Variants in BSDC1 observed in about 807,000 individuals in gnomAD.
The protein encoded by BSDC1 is BSD domain-containing protein 1.
Under a neutral mutation model 56.0 loss-of-function variants are expected in BSDC1, and 29 were observed. The ratio of observed to expected loss-of-function variants is 0.52; its 90% CI spans 0.39 to 0.71. BSDC1 has a LOEUF of 0.71. Among genes scored for constraint, BSDC1 ranks in the 30% least tolerant of loss-of-function variants. The pLI is 0.00. For missense variants in BSDC1, 477 were observed against 548.5 expected, an observed-to-expected ratio of 0.87 and a Z score of 1.30; for synonymous variants, 210 against 215.3, an observed-to-expected ratio of 0.98 and a Z score of 0.21.
At chr1:32,389,813 A>C (rs1485615152) in intron 2 of BSDC1, among the ~76,000 whole-genome samples, 1 of 146,826 alleles carries the variant, frequency 6.8e-6, no homozygotes, top group African/African-American at 2.6e-5. Flanking sequence ...CACACACACA[A>C]ATACAAAAAA....
At chr1:32,390,341 A>T (rs1642822909) in intron 2 of BSDC1, among the ~76,000 whole-genome samples, 1 of 152,354 alleles carries the variant, frequency 6.6e-6, no homozygotes, top group East Asian at 1.9e-4. Context: ...ATGCTAGTAA[A>T]GATGGAGAGG....
At chr1:32,381,170 T>A (rs1642465793) in intron 5 of BSDC1, 44 bp downstream of exon 5, 1 of 1,606,496 alleles carries the variant, frequency 6.2e-7, no homozygotes, top group Non-Finnish European at 8.5e-7. Flanking sequence ...GCCCCCTTAG[T>A]CTACTTGCCC....
intron 2 of BSDC1, 21 bp downstream of exon 2, chr1:32,394,059 A>T (rs1249828901): frequency 1.2e-6 from 2 of 1,603,896 alleles, no homozygotes; most frequent in Non-Finnish European, 1.7e-6. Flanking sequence ...CTGAGGGAAG[A>T]AGGGCACGGG....
intron 3 of BSDC1, among the ~76,000 whole-genome samples, chr1:32,384,348 G>C (rs979959905): frequency 1.3e-5 from 2 of 152,138 alleles, no homozygotes; most frequent in African/African-American, 4.8e-5. Flanking sequence ...TGGTGGAAAG[G>C]GTACTAGCTT....
intron 5 of BSDC1, among the ~76,000 whole-genome samples, chr1:32,379,104 A>C (rs1044895294): frequency 2.0e-5 from 3 of 152,046 alleles, no homozygotes; most frequent in Non-Finnish European, 4.4e-5. Flanking sequence ...CTCATCTCTG[A>C]AACAGCTGTT....
intron 5 of BSDC1, among the ~76,000 whole-genome samples, chr1:32,380,900 G>A (rs1213440427): frequency 6.6e-6 from 1 of 152,164 alleles, no homozygotes; most frequent in African/African-American, 2.4e-5. Flanking sequence ...AATGGGGTTT[G>A]CTGCATGGCA....
chr1:32,387,584 G>A (rs1056212034), intron 2 of BSDC1, among the ~76,000 whole-genome samples: 7 of 152,132 alleles, frequency 4.6e-5, no homozygotes, highest in Non-Finnish European at 7.4e-5. Flanking sequence ...CAGGTGATCC[G>A]CCCACCTTGG....
intron 4 of BSDC1, among the ~76,000 whole-genome samples, chr1:32,382,275 C>T (rs937171794): frequency 2.6e-5 from 4 of 150,994 alleles, no homozygotes; most frequent in African/African-American, 9.7e-5. Context: ...GCTACAAAGC[C>T]AGCCTAGGCA....
intron 4 of BSDC1, among the ~76,000 whole-genome samples, chr1:32,382,175 C>T (rs1395835270): frequency 3.4e-5 from 5 of 148,398 alleles, no homozygotes; most frequent in Non-Finnish European, 5.9e-5. Context: ...TGCAGTGAGC[C>T]GAGATTGCTC....
chr1:32,378,014 G>A lies in BSDC1; in HGVS notation c.632C>T (p.Ala211Val), dbSNP rs144566892. ...GGGCTCTTCAGAGATGCTCTGTTCC[G>A]CCCGCTGCTTCAGGGCGTCCCTCCG... is the stretch of plus-strand genomic sequence containing the variant. The part of the protein sequence containing the change: ...QARRDALKQR[A>V]EQSISEEPGW... Residue 211 changes from alanine (A) to valine (V), a missense_variant, in exon 8 of 11, where the codon GCG (alanine) becomes GTG (valine). By Grantham distance (64) the Ala-to-Val change is moderately conservative. Transcript: ENST00000455895. This position sits in a 1 kb window ranked among gnomAD's most constrained non-coding sequence, Gnocchi z 5.2. The A allele has an allele frequency of 4.3e-6, 7 of 1,613,040 alleles. No individual in the cohort carries two copies. Among genetic ancestry groups the A allele is most frequent in the Middle Eastern group, 1.6e-4 (1 of 6,078 alleles).
At chr1:32,376,853 G>A (rs1242430762) in intron 8 of BSDC1, 112 bp from the exon 9 acceptor site, 34 of 1,194,226 alleles carry the variant, frequency 2.8e-5, no homozygotes, top group Non-Finnish European at 3.3e-5. Flanking sequence ...GACTCAAGCC[G>A]GGCATGGTGG....
chr1:32,383,692 ATT>A lies in BSDC1; in HGVS notation c.357+136_357+137del, dbSNP rs939515732. ...AATTATCCTGTCCTTGCTTACTGGTATTTTCTGATTTACTATTAATAATATAC... is the reference window on the plus strand; with the variant it reads ...AATTATCCTGTCCTTGCTTACTGGTATTCTGATTTACTATTAATAATATAC... On this transcript the variant is annotated intron_variant, in intron 4 of 10. Transcript: ENST00000455895. 4.8e-4 allele frequency: 323 copies of A among 673,852 alleles called. No individual in the cohort carries two copies. The Middle Eastern group carries it at 7.9e-3, about 17-fold the overall frequency. 41.7% of individuals were successfully genotyped at this position (673,852 alleles called of 1,614,324 possible). A position where few individuals can be genotyped will look rare whatever the true frequency, so the allele number is the denominator to read the frequency against.
intron 2 of BSDC1, among the ~76,000 whole-genome samples, chr1:32,393,431 C>T (rs1642935501): frequency 1.3e-5 from 2 of 152,222 alleles, no homozygotes; most frequent in Non-Finnish European, 2.9e-5. Context: ...TCTTGCTTTT[C>T]ATCCTGTCTA....
chr1:32,379,334 ATTTT>A (rs1171918052), intron 5 of BSDC1, among the ~76,000 whole-genome samples: 1 of 149,820 alleles, frequency 6.7e-6, no homozygotes, highest in East Asian at 2.0e-4. Flanking sequence ...CTGGCTTTTT[ATTTT>A]TTTTCCCAAA....
chr1:32,391,159 C>A (rs921750910), intron 2 of BSDC1, among the ~76,000 whole-genome samples: 1 of 152,012 alleles, frequency 6.6e-6, no homozygotes, highest in African/African-American at 2.4e-5. Context: ...AAGAGAGTAG[C>A]GTTTCAAGAG....
intron 2 of BSDC1, among the ~76,000 whole-genome samples, chr1:32,388,955 T>C (rs1179252352): frequency 6.6e-6 from 1 of 151,562 alleles, no homozygotes; most frequent in Non-Finnish European, 1.5e-5. Flanking sequence ...CTTCTTTTTT[T>C]TCTTTTTTTT....
chr1:32,369,661 C>T (rs942389260), intron 9 of BSDC1, among the ~76,000 whole-genome samples: 2 of 152,182 alleles, frequency 1.3e-5, no homozygotes, highest in Non-Finnish European at 2.9e-5. Context: ...ACCTGGAACT[C>T]GTATCCTCAG....
chr1:32,380,443 T>G (rs538230493), intron 5 of BSDC1, among the ~76,000 whole-genome samples: 46 of 152,220 alleles, frequency 3.0e-4, no homozygotes, highest in African/African-American at 1.1e-3. Flanking sequence ...GTCAGGAGTT[T>G]GAGACCAGCC....
At chr1:32,394,200 CG>C in intron 1 of BSDC1, 60 bp from the exon 2 acceptor site, 1 of 1,582,820 alleles carries the variant, frequency 6.3e-7, no homozygotes, top group Non-Finnish European at 8.6e-7. Context: ...CCCAAGGATC[CG>C]GTTTGTTCCC....
Sources: allele counts gnomAD v4.1 joint callset (sites outside exome capture counted in the v4.1 genomes callset), GRCh38; gene constraint gnomAD v4.1.1; non-coding constraint Gnocchi (gnomAD v3.1); transcripts MANE v1.5; gene names NCBI Gene and HGNC (gene_info 2026-07-23, HGNC 2026-07-21).